The following TOGARAM2 variants were observed in gnomAD, a reference collection of about 807,000 sequenced individuals.
TOGARAM2 encodes TOG array regulator of axonemal microtubules protein 2.
In TOGARAM2, 85 loss-of-function variants were observed where a neutral mutation model predicts 93.3. The ratio of observed to expected loss-of-function variants is 0.91; its 90% confidence interval spans 0.76 to 1.09. The LOEUF (loss-of-function observed/expected upper bound fraction) is 1.09. Among genes scored for constraint, TOGARAM2 ranks in the 50% least tolerant of loss-of-function variants. The probability of loss-of-function intolerance (pLI) is 0.00; values close to 1 mark genes in which losing one functional copy is unlikely to be tolerated. For synonymous variants in TOGARAM2, 593 were observed against 552.8 expected, an observed-to-expected ratio of 1.07 and a Z score of -1.02; for missense variants, 1,277 against 1,334.5, an observed-to-expected ratio of 0.96 and a Z score of 0.67.
At chr2:28,969,402 G>T (rs1482549622) in intron 1 of TOGARAM2, among the ~76,000 whole-genome samples, 5 of 152,244 alleles carry the variant, frequency 3.3e-5, no homozygotes, top group Non-Finnish European at 5.9e-5. Flanking sequence ...AGGGGGCTTT[G>T]GTCCCGGGTG....
intron 18 of TOGARAM2, among the ~76,000 whole-genome samples, chr2:29,038,531 A>G (rs1359879560): frequency 1.3e-5 from 2 of 152,182 alleles, no homozygotes; most frequent in Non-Finnish European, 2.9e-5. Flanking sequence ...GCTGGAATGC[A>G]ATGGCATGAT....
At chr2:28,986,910 C>T (rs189223016) in intron 1 of TOGARAM2, among the ~76,000 whole-genome samples, 65 of 152,284 alleles carry the variant, frequency 4.3e-4, no homozygotes, top group Admixed American at 1.3e-3. Flanking sequence ...ATTTCCATTT[C>T]GCAGTTAAAT....
chr2:29,035,365 T>C, intron 16 of TOGARAM2, 99 bp from the exon 17 acceptor site: 1 of 1,130,248 alleles, frequency 8.8e-7, no homozygotes, highest in East Asian at 3.1e-5. Context: ...CACTCTTGTC[T>C]CTGCCCCACC....
At chr2:29,005,241 G>A (rs1212029627) in intron 6 of TOGARAM2, among the ~76,000 whole-genome samples, 3 of 148,360 alleles carry the variant, frequency 2.0e-5, no homozygotes, top group East Asian at 2.1e-4. Flanking sequence ...ATGTGTGTGG[G>A]ACCATGTGTG....
intron 14 of TOGARAM2, among the ~76,000 whole-genome samples, chr2:29,032,316 A>G (rs1226602484): frequency 2.0e-5 from 3 of 152,130 alleles, no homozygotes; most frequent in Non-Finnish European, 4.4e-5. Flanking sequence ...TTATAGACCT[A>G]AATAACCCTG....
rs896817056 is a variant in TOGARAM2, at chr2:29,036,482, T to G, written c.2419-59T>G. The G allele has an allele frequency of 8.3e-6, 13 of 1,563,946 alleles. No homozygotes were observed. The African/African-American group carries it at 1.8e-4, about 21-fold the overall frequency. Reference sequence around the variant, plus strand: ...CAGGTGAGCTCCAAGCTGCCTGCACTGTGGGAGTCCTGCCCAGCCTGGGTT... The same window carrying G: ...CAGGTGAGCTCCAAGCTGCCTGCACGGTGGGAGTCCTGCCCAGCCTGGGTT... On this transcript the variant is annotated intron_variant, in intron 17 of 19. Transcript: ENST00000379558.
At chr2:29,045,891 C>T (rs1386949849) in intron 19 of TOGARAM2, 5 of 226,102 alleles carry the variant, frequency 2.2e-5, no homozygotes, top group Non-Finnish European at 4.4e-5. Context: ...TTCCTCCTTG[C>T]AAACAAGGCT....
chr2:28,981,011 A>C (rs1672161212), upstream of TOGARAM2, among the ~76,000 whole-genome samples: 1 of 152,224 alleles, frequency 6.6e-6, no homozygotes, highest in African/African-American at 2.4e-5. Flanking sequence ...AGTAAACAGA[A>C]GCAGATTGAG....
At position 29,023,253 on chromosome 2, in the gene TOGARAM2, G is replaced by A. The variant is rs6734731; in HGVS notation, c.1617+62G>A. ...CCACTGCAGCTGCTGGATGCAGTCCGCTAGCAGCTGTGGAGGGGCTGTGGC... is the reference window on the plus strand; with the variant it reads ...CCACTGCAGCTGCTGGATGCAGTCCACTAGCAGCTGTGGAGGGGCTGTGGC... On this transcript the variant is annotated intron_variant, in intron 12 of 19. Transcript: ENST00000379558. The A allele has an allele frequency of 8.8e-3, 11,956 of 1,363,310 alleles. 604 individuals are homozygous for A. In the African/African-American group the frequency reaches 0.12, roughly 14 times the overall value. 84.5% of individuals were successfully genotyped at this position (1,363,310 alleles called of 1,614,324 possible).
chr2:28,971,025 C>G (rs764919304), intron 1 of TOGARAM2: 1 of 152,208 alleles, frequency 6.6e-6, no homozygotes, highest in African/African-American at 2.4e-5. Flanking sequence ...GGAGCCCTGG[C>G]TCACAGCTGG....
At chr2:29,043,229 C>T (rs979824234) in intron 18 of TOGARAM2, among the ~76,000 whole-genome samples, 5 of 152,158 alleles carry the variant, frequency 3.3e-5, no homozygotes, top group African/African-American at 1.2e-4. Flanking sequence ...ATTTATCTCC[C>T]AGGGCAAATT....
At chr2:29,007,765 C>G (rs1237927410) in intron 6 of TOGARAM2, among the ~76,000 whole-genome samples, 2 of 151,976 alleles carry the variant, frequency 1.3e-5, no homozygotes, top group Non-Finnish European at 2.9e-5. Context: ...ATCCAGCCCA[C>G]GACCCCACAG....
At chr2:29,021,311 C>T (rs1000168627) in intron 10 of TOGARAM2, among the ~76,000 whole-genome samples, 7 of 152,238 alleles carry the variant, frequency 4.6e-5, no homozygotes, top group Admixed American at 1.3e-4. Flanking sequence ...AGGTGAAGCT[C>T]GGGAGAAAAC....
At chr2:29,051,612 A>T (rs908416053) in intron 19 of TOGARAM2, 144 bp from the exon 20 acceptor site, 6 of 579,316 alleles carry the variant, frequency 1.0e-5, no homozygotes, top group Non-Finnish European at 1.5e-5. Flanking sequence ...ACATTTTCAT[A>T]GGCTGCTAAA....
chr2:29,048,336 C>T (rs1666868133), intron 19 of TOGARAM2: 1 of 152,046 alleles, frequency 6.6e-6, no homozygotes, highest in Admixed American at 6.6e-5. Context: ...ACTATATCAC[C>T]CCCCATTAAA....
intron 6 of TOGARAM2, among the ~76,000 whole-genome samples, chr2:29,005,518 C>A (rs879377761): frequency 1.9e-5 from 2 of 106,858 alleles, no homozygotes. Context: ...TGTGTAACTA[C>A]GTGTGTGAAG....
At chr2:29,048,283 G>A (rs909891519) in intron 19 of TOGARAM2, 1 of 151,956 alleles carries the variant, frequency 6.6e-6, no homozygotes, top group African/African-American at 2.4e-5. Context: ...AGGAATTGTG[G>A]GAGCTACAAT....
chr2:29,051,740 C>T lies in TOGARAM2; in HGVS notation c.2723-16C>T. The T allele has an allele frequency of 1.4e-6, 2 of 1,469,556 alleles. No homozygotes were observed. The highest frequency in any genetic ancestry group is 2.8e-5 in the African/African-American group (2 of 71,178). 91.0% of individuals were successfully genotyped at this position (1,469,556 alleles called of 1,614,324 possible). ...AGAGTGCCTGGCTCAAGTGACTCTC[C>T]TTTTCTGCCTGACAGTGCTGGTGGC... On this transcript the variant is annotated splice_polypyrimidine_tract_variant and intron_variant, in intron 19 of 19. Transcript: ENST00000379558.
intron 18 of TOGARAM2, among the ~76,000 whole-genome samples, chr2:29,041,870 C>T (rs1666460350): frequency 1.3e-5 from 2 of 152,202 alleles, no homozygotes; most frequent in Admixed American, 1.3e-4. Flanking sequence ...GCTGGGCTCT[C>T]AGAGTTTTAA....
Sources: gnomAD v4.1 joint callset for allele counts (sites outside exome capture counted in the v4.1 genomes callset) on GRCh38, gnomAD v4.1.1 for gene constraint, MANE v1.5 for transcripts, NCBI Gene and HGNC (gene_info 2026-07-23, HGNC 2026-07-21) for gene names.